The following ADAMTSL1 variants were observed in gnomAD, a reference collection of about 807,000 sequenced individuals.
The protein encoded by ADAMTSL1 is ADAMTS like 1, also known as ADAMTS-like protein 1.
In ADAMTSL1, 126 loss-of-function variants were observed where a neutral mutation model predicts 201.8. The observed-to-expected ratio is 0.62, with a 90% CI of 0.54 to 0.72. The LOEUF is 0.72. Ranked by LOEUF, ADAMTSL1 falls within the 30% of genes least tolerant of loss-of-function variation. The pLI is 0.00. For synonymous variants in ADAMTSL1, 1,121 were observed against 903.4 expected (o/e 1.24, Z -4.32); for missense variants, 2,679 against 2,277.8 (o/e 1.18, Z -3.59).
At chr9:18,784,697 G>A (rs770566623) in intron 19 of ADAMTSL1, among the ~76,000 whole-genome samples, 17 of 152,192 alleles carry the variant, frequency 1.1e-4, no homozygotes, top group Admixed American at 3.3e-4. Context: ...CAGGCCAGTG[G>A]AGAAATCATC....
At chr9:18,458,735 G>C (rs1820700621) in intron 2 of ADAMTSL1, among the ~76,000 whole-genome samples, 1 of 152,162 alleles carries the variant, frequency 6.6e-6, no homozygotes, top group Non-Finnish European at 1.5e-5. Context: ...AATCCTGAGT[G>C]ACTTTAAAAG....
At chr9:18,366,346 G>A (rs1295058347) in intron 2 of ADAMTSL1, among the ~76,000 whole-genome samples, 1 of 151,678 alleles carries the variant, frequency 6.6e-6, no homozygotes, top group East Asian at 1.9e-4. Flanking sequence ...AAGTCATCTC[G>A]GTGCTACCTC....
chr9:18,675,875 C>A lies in ADAMTSL1; in HGVS notation c.1104C>A (p.Ile368=). ...CTAACAGTGACGGATACAAGCAGAT[C>A]ATGCCTTATGACCTCTACCATCCCC... is the stretch of plus-strand genomic sequence containing the variant. ...PCPASDGYKQ[I]MPYDLYHPLP... Residue 368 remains isoleucine, a synonymous_variant, in exon 10 of 29, where the codon ATC becomes ATA. Transcript: ENST00000380548. 3 of 1,613,280 alleles carry A rather than the reference C, an allele frequency of 1.9e-6. No individual in the cohort carries two copies. The highest frequency in any genetic ancestry group is 2.5e-6 in the Non-Finnish European group (3 of 1,179,364).
chr9:18,487,148 C>T (rs1292596694), intron 1 of ADAMTSL1, among the ~76,000 whole-genome samples: 1 of 152,102 alleles, frequency 6.6e-6, no homozygotes, highest in Non-Finnish European at 1.5e-5. Context: ...TACTAAAAAA[C>T]ATGATTTGAA....
At chr9:18,618,806 A>G (rs1297525624) in intron 4 of ADAMTSL1, among the ~76,000 whole-genome samples, 1 of 152,184 alleles carries the variant, frequency 6.6e-6, no homozygotes. Context: ...CCTCACTTCT[A>G]CTTTTATTTC....
intron 1 of ADAMTSL1, among the ~76,000 whole-genome samples, chr9:17,913,357 C>G (rs990623492): frequency 6.6e-5 from 10 of 152,088 alleles, no homozygotes. Context: ...TTGTTTGTAT[C>G]CTCTTTTATT....
At chr9:18,559,175 A>C (rs147082614) in intron 3 of ADAMTSL1, among the ~76,000 whole-genome samples, 1 of 152,086 alleles carries the variant, frequency 6.6e-6, no homozygotes, top group Non-Finnish European at 1.5e-5. Context: ...TCTTGAGTTA[A>C]TTTTTGTATA....
chr9:18,770,547 G>C, intron 16 of ADAMTSL1, 55 bp from the exon 17 acceptor site: 1 of 1,512,938 alleles, frequency 6.6e-7, no homozygotes, highest in Middle Eastern at 2.3e-4. Flanking sequence ...TTAGCAGTCA[G>C]ACTGCCTTCC....
At chr9:18,164,335 T>C (rs1310555791) in intron 2 of ADAMTSL1, among the ~76,000 whole-genome samples, 2 of 151,914 alleles carry the variant, frequency 1.3e-5, no homozygotes, top group Non-Finnish European at 2.9e-5. Flanking sequence ...AAAGCCCAGA[T>C]TGTTTTATGG....
chr9:18,870,186 C>T (rs995365433), intron 23 of ADAMTSL1, among the ~76,000 whole-genome samples: 1 of 152,132 alleles, frequency 6.6e-6, no homozygotes, highest in African/African-American at 2.4e-5. Flanking sequence ...AGTCAGTGTC[C>T]ACTCACTGCA....
At chr9:18,779,430 G>C (rs73419065) in intron 19 of ADAMTSL1, among the ~76,000 whole-genome samples, 3,967 of 152,172 alleles carry the variant, frequency 0.026, 184 homozygotes, top group African/African-American at 0.09. Context: ...GTGCTTTAAA[G>C]GCATTATCTT....
chr9:18,829,869 G>A lies in ADAMTSL1; in HGVS notation c.4141G>A (p.Glu1381Lys). 1 of 1,613,954 alleles carries A rather than the reference G, an allele frequency of 6.2e-7. No individual in the cohort carries two copies. The highest frequency in any genetic ancestry group is 8.5e-7 in the Non-Finnish European group (1 of 1,179,882). ...LDPPQVPTQLEDIRALLAATG... is the reference protein window; with the variant it reads ...LDPPQVPTQLKDIRALLAATG... ...TCCCCCCCAAGTCCCCACACAGTTG[G>A]AAGACATCAGGGCCTTGCTCGCTGC... The change falls in exon 23 of 29, where the codon GAA becomes AAA. Residue 1381 changes from glutamate (E) to lysine (K), a missense_variant. By Grantham distance (56) the Glu-to-Lys change is moderately conservative. Coordinates refer to ENST00000380548, the MANE Select transcript of ADAMTSL1 (RefSeq NM_001040272.6).
intron 2 of ADAMTSL1, among the ~76,000 whole-genome samples, chr9:18,368,548 G>T (rs13284884): frequency 0.076 from 11,558 of 152,242 alleles, 466 homozygotes; most frequent in African/African-American, 0.091. Flanking sequence ...CAAGTGATTT[G>T]CCCAGTGTCT....
intron 1 of ADAMTSL1, among the ~76,000 whole-genome samples, chr9:17,922,927 G>A (rs1051685532): frequency 6.6e-6 from 1 of 152,148 alleles, no homozygotes; most frequent in African/African-American, 2.4e-5. Context: ...GGGAAGGAAA[G>A]CCCCAACCCT....
At chr9:18,525,432 GTC>G (rs1818975792) in intron 2 of ADAMTSL1, among the ~76,000 whole-genome samples, 1 of 152,018 alleles carries the variant, frequency 6.6e-6, no homozygotes, top group Admixed American at 6.6e-5. Context: ...TTTTTTGTGT[GTC>G]TATCTCTTTC....
chr9:18,824,690 CTTTT>C (rs34551511), intron 21 of ADAMTSL1, among the ~76,000 whole-genome samples: 2 of 75,734 alleles, frequency 2.6e-5, no homozygotes, highest in South Asian at 7.0e-4. Flanking sequence ...GGACTTGACC[CTTTT>C]TTTTTTTTTT....
intron 14 of ADAMTSL1, among the ~76,000 whole-genome samples, chr9:18,719,148 G>A (rs1461449026): frequency 6.6e-6 from 1 of 152,056 alleles, no homozygotes; most frequent in Non-Finnish European, 1.5e-5. Flanking sequence ...CTACAACCAA[G>A]AGAACACCCT....
chr9:18,098,778 A>G (rs1824363780), intron 1 of ADAMTSL1, among the ~76,000 whole-genome samples: 1 of 152,172 alleles, frequency 6.6e-6, no homozygotes, highest in African/African-American at 2.4e-5. Context: ...TAAGGATTCC[A>G]GCCAATTCAC....
chr9:18,557,778 C>T lies in ADAMTSL1; in HGVS notation c.238-16252C>T, dbSNP rs147236473. On this transcript the variant is annotated intron_variant, in intron 3 of 28. Coordinates refer to ENST00000380548, the MANE Select transcript of ADAMTSL1 (RefSeq NM_001040272.6). ...TGATAAATGACTGGCATAAGAACCACATGTTCCATGAAGCAACTGCAATCT... is the reference window on the plus strand; with the variant it reads ...TGATAAATGACTGGCATAAGAACCATATGTTCCATGAAGCAACTGCAATCT... Among the ~76,000 whole-genome samples, 9 of 152,164 alleles carry T rather than the reference C, an allele frequency of 5.9e-5. No homozygotes were observed. In the East Asian group the frequency reaches 1.5e-3, roughly 26 times the overall value.
Sources: allele counts gnomAD v4.1 joint callset (sites outside exome capture counted in the v4.1 genomes callset), GRCh38; gene constraint gnomAD v4.1.1; transcripts MANE v1.5; gene names NCBI Gene and HGNC (gene_info 2026-07-23, HGNC 2026-07-21).